The following BPTF variants were observed in gnomAD, a reference collection of about 807,000 sequenced individuals.
The protein encoded by BPTF is bromodomain PHD finger transcription factor.
BPTF carries 18 observed loss-of-function variants against 292.5 expected under a neutral mutation model. The observed-to-expected ratio is 0.06, with a 90% CI of 0.04 to 0.09. BPTF has a LOEUF of 0.09. Among genes scored for constraint, BPTF ranks in the 10% least tolerant of loss-of-function variants. The pLI is 1.00. For synonymous variants in BPTF, 1,225 were observed against 1,251.9 expected (o/e 0.98, Z 0.45); for missense variants, 2,726 against 3,498.7 (o/e 0.78, Z 5.57).
chr17:67,927,310 A>G (rs1002107691), intron 15 of BPTF, among the ~76,000 whole-genome samples: 1 of 152,206 alleles, frequency 6.6e-6, no homozygotes, highest in African/African-American at 2.4e-5. Flanking sequence ...GTGTGTGGTT[A>G]TATTGTTACT....
At chr17:67,880,113 T>C (rs1347711725) in intron 4 of BPTF, among the ~76,000 whole-genome samples, 1 of 152,210 alleles carries the variant, frequency 6.6e-6, no homozygotes. Context: ...ACATCGTATC[T>C]TTTTTATATA....
At chr17:67,922,000 C>T (rs1045597043) in intron 13 of BPTF, among the ~76,000 whole-genome samples, 5 of 151,998 alleles carry the variant, frequency 3.3e-5, no homozygotes, top group African/African-American at 1.2e-4. Flanking sequence ...CACTGTACTC[C>T]AGCCTGGGCA....
intron 24 of BPTF, chr17:67,963,267 C>T: frequency 7.1e-7 from 1 of 1,409,228 alleles, no homozygotes; most frequent in Non-Finnish European, 9.3e-7. Context: ...GCAGGGAAGA[C>T]AGATTTAAGT....
intron 1 of BPTF, among the ~76,000 whole-genome samples, chr17:67,829,692 T>TA (rs1313013515): frequency 3.9e-5 from 6 of 152,180 alleles, no homozygotes; most frequent in Non-Finnish European, 5.9e-5. Context: ...CATAAAGAAG[T>TA]ATGATTGATG....
At chr17:67,901,705 T>C (rs1015592762) in intron 7 of BPTF, among the ~76,000 whole-genome samples, 8 of 152,258 alleles carry the variant, frequency 5.3e-5, no homozygotes, top group Admixed American at 3.9e-4. Context: ...ATAGTATTTT[T>C]TACCTCTGAG....
At position 67,864,846 on chromosome 17, in the gene BPTF, C is replaced by CTAGG. The variant is rs2059302266; in HGVS notation, c.1437-1618_1437-1617insTAGG. Among the ~76,000 whole-genome samples the CTAGG allele has an allele frequency of 3.9e-5, 6 of 151,976 alleles. No individual in the cohort carries two copies. In the South Asian group the frequency reaches 1.2e-3, roughly 32 times the overall value. ...TTGAGACAGAGTCTCGCTCTGTCAC[C>CTAGG]CAGGCTAGAGTGAACTGGCGCGAAC... On this transcript the variant is annotated intron_variant, in intron 2 of 27. Transcript: ENST00000306378.
chr17:67,858,545 ACT>A (rs1491519392), intron 2 of BPTF, among the ~76,000 whole-genome samples: 3 of 131,964 alleles, frequency 2.3e-5, no homozygotes, highest in African/African-American at 9.8e-5. Flanking sequence ...ATGGAGTGAG[ACT>A]CTGTCTCCAA....
At chr17:67,934,503 G>A (rs903552020) in intron 18 of BPTF, among the ~76,000 whole-genome samples, 2 of 151,170 alleles carry the variant, frequency 1.3e-5, no homozygotes, top group Admixed American at 6.6e-5. Context: ...TGGGCAACAA[G>A]AGTGAAACTC....
At chr17:67,950,901 A>G (rs1347872897) in intron 23 of BPTF, 2 of 151,036 alleles carry the variant, frequency 1.3e-5, no homozygotes, top group African/African-American at 4.9e-5. Flanking sequence ...CCTGCCTCCC[A>G]GGTTTAAGTG....
intron 11 of BPTF, 85 bp downstream of exon 11, chr17:67,913,272 GATAAT>G (rs1568055551): frequency 3.4e-6 from 5 of 1,460,546 alleles, no homozygotes; most frequent in Non-Finnish European, 4.6e-6. Context: ...TAAAAAATGA[GATAAT>G]AGAGATAAGA....
At chr17:67,852,418 A>G (rs1162382777) in intron 1 of BPTF, among the ~76,000 whole-genome samples, 1 of 151,732 alleles carries the variant, frequency 6.6e-6, no homozygotes, top group Non-Finnish European at 1.5e-5. Context: ...TTCTTATATG[A>G]CCTCTTAGAT....
chr17:67,931,392 A>G (rs1214857786), intron 17 of BPTF, among the ~76,000 whole-genome samples: 1 of 152,192 alleles, frequency 6.6e-6, no homozygotes, highest in Non-Finnish European at 1.5e-5. Context: ...AGGATTGCTT[A>G]AGCCCAGGAG....
At chr17:67,862,003 TCTCA>T (rs2059113414) in intron 2 of BPTF, among the ~76,000 whole-genome samples, 1 of 152,208 alleles carries the variant, frequency 6.6e-6, no homozygotes, top group Non-Finnish European at 1.5e-5. Flanking sequence ...TTGATACAAG[TCTCA>T]CTCTGTCGCC....
chr17:67,940,666 A>G lies in BPTF; in HGVS notation c.6477+10A>G. The G allele has an allele frequency of 6.2e-7, 1 of 1,606,632 alleles. No homozygotes were observed. Among genetic ancestry groups the G allele is most frequent in the South Asian group, 1.1e-5 (1 of 90,902 alleles). ...GTTAACACAGGGCCACGTAAGTAAC[A>G]TAAGCTTTATTTTAACTTTAGAGGT... On this transcript the variant is annotated intron_variant, in intron 19 of 27. Transcript: ENST00000306378.
At chr17:67,954,350 A>G (rs551084825) in intron 23 of BPTF, among the ~76,000 whole-genome samples, 1 of 151,708 alleles carries the variant, frequency 6.6e-6, no homozygotes, top group African/African-American at 2.4e-5. Context: ...TCTTTTTTTC[A>G]TATTACATGT....
Position 67,904,914 on chromosome 17 carries a change from C to T in BPTF, c.2812+74C>T. ...TTCTTATAAATTTGTAGTATTTTGA[C>T]TATATTTTAGATAAAAACATTTTTC... is the stretch of plus-strand genomic sequence containing the variant. On this transcript the variant is annotated intron_variant, in intron 9 of 27. Transcript: ENST00000306378. 4.9e-6 allele frequency: 6 copies of T among 1,231,324 alleles called. No homozygotes were observed. The Admixed American group carries it at 1.2e-4, about 25-fold the overall frequency. 76.3% of individuals were successfully genotyped at this position (1,231,324 alleles called of 1,614,324 possible).
At chr17:67,882,437 A>G (rs1208203164) in intron 4 of BPTF, among the ~76,000 whole-genome samples, 5 of 152,216 alleles carry the variant, frequency 3.3e-5, no homozygotes, top group East Asian at 3.9e-4. Context: ...TTACATTTGT[A>G]TATCTGTTCC....
Position 67,945,715 on chromosome 17 carries a change from A to G in BPTF, c.7007A>G (p.Gln2336Arg). The change falls in exon 21 of 28, where the codon CAA (glutamine) becomes CGA (arginine). Residue 2336 changes from glutamine (Q) to arginine (R), a missense_variant. Gln to Arg is a conservative substitution (Grantham distance 43). Transcript: ENST00000306378. ...CAGTCTCAGCCTCAAAGTAATGTCC[A>G]AGGACAGTCTCCTGTTCGTGTCCAA... ...AAQSQPQSNVQGQSPVRVQSP... is the reference protein window; with the variant it reads ...AAQSQPQSNVRGQSPVRVQSP... 1 of 1,614,152 alleles carries G rather than the reference A, an allele frequency of 6.2e-7. No homozygotes were observed. The highest frequency in any genetic ancestry group is 8.5e-7 in the Non-Finnish European group (1 of 1,180,030).
chr17:67,838,035 T>A (rs530132234), intron 1 of BPTF, among the ~76,000 whole-genome samples: 1 of 152,332 alleles, frequency 6.6e-6, no homozygotes, highest in South Asian at 2.1e-4. Context: ...ATGGACTAGA[T>A]GATCTAATGG....
Sources: gnomAD v4.1 joint callset for allele counts (sites outside exome capture counted in the v4.1 genomes callset) on GRCh38, gnomAD v4.1.1 for gene constraint, MANE v1.5 for transcripts, NCBI Gene and HGNC (gene_info 2026-07-23, HGNC 2026-07-21) for gene names.